Variants in PTPRG observed in about 807,000 individuals in gnomAD.
PTPRG encodes receptor-type tyrosine-protein phosphatase gamma.
Under a neutral mutation model 165.3 loss-of-function variants are expected in PTPRG, and 102 were observed. The ratio of observed to expected loss-of-function variants is 0.62; its 90% CI spans 0.53 to 0.73. The LOEUF is 0.73. Among genes scored for constraint, PTPRG ranks in the 30% least tolerant of loss-of-function variants. The probability of loss-of-function intolerance (pLI) is 0.00; values close to 1 mark genes in which losing one functional copy is unlikely to be tolerated. For missense variants in PTPRG, 1,866 were observed against 1,861.4 expected, an observed-to-expected ratio of 1.00 and a Z score of -0.05; for synonymous variants, 675 against 669.5, an observed-to-expected ratio of 1.01 and a Z score of -0.13.
At chr3:62,274,362 C>T (rs1400271207) in intron 23 of PTPRG, among the ~76,000 whole-genome samples, 4 of 151,876 alleles carry the variant, frequency 2.6e-5, no homozygotes, top group South Asian at 2.1e-4. Flanking sequence ...AGCTTAAAAG[C>T]GGTTAAGGTT....
chr3:62,264,801 T>C (rs1701812133), intron 17 of PTPRG, among the ~76,000 whole-genome samples: 2 of 152,186 alleles, frequency 1.3e-5, no homozygotes, highest in Admixed American at 1.3e-4. Context: ...CTCTTTGGTG[T>C]ATACGTAGGA....
intron 4 of PTPRG, among the ~76,000 whole-genome samples, chr3:62,014,912 A>C (rs1559747057): frequency 6.6e-6 from 1 of 152,216 alleles, no homozygotes; most frequent in East Asian, 1.9e-4. Flanking sequence ...GAAATGCTGC[A>C]TGACATGTCT....
intron 1 of PTPRG, among the ~76,000 whole-genome samples, chr3:61,586,408 T>C (rs1015701412): frequency 6.6e-6 from 1 of 152,230 alleles, no homozygotes; most frequent in Non-Finnish European, 1.5e-5. Context: ...GAAGATGATA[T>C]GGCAACCAGT....
At chr3:61,574,125 A>C (rs1270083443) in intron 1 of PTPRG, among the ~76,000 whole-genome samples, 2 of 152,000 alleles carry the variant, frequency 1.3e-5, no homozygotes, top group Non-Finnish European at 2.9e-5. Flanking sequence ...TAGGTGATTC[A>C]GGAGAAGGTA....
At chr3:62,080,496 C>T (rs979713482) in intron 5 of PTPRG, among the ~76,000 whole-genome samples, 1 of 152,138 alleles carries the variant, frequency 6.6e-6, no homozygotes, top group African/African-American at 2.4e-5. Context: ...GTTCCCTTAG[C>T]ATGCTGCTTT....
chr3:61,621,051 A>ATATATGTGTGTGTGTGTGTG, intron 1 of PTPRG, among the ~76,000 whole-genome samples: 10 of 117,944 alleles, frequency 8.5e-5, no homozygotes, highest in Non-Finnish European at 9.0e-5. Context: ...ATATATATAT[A>ATATATGTGTGTGTGTGTGTG]TGTGTGTGTG....
At chr3:61,847,307 A>AC (rs890970685) in intron 2 of PTPRG, among the ~76,000 whole-genome samples, 4 of 151,962 alleles carry the variant, frequency 2.6e-5, no homozygotes, top group Non-Finnish European at 5.9e-5. Flanking sequence ...TGGCCAAGGA[A>AC]CCCCCCGAAG....
intron 13 of PTPRG, 63 bp from the exon 14 acceptor site, chr3:62,231,162 C>A: frequency 7.8e-7 from 1 of 1,289,870 alleles, no homozygotes; most frequent in Non-Finnish European, 1.0e-6. Context: ...GTATGCAACT[C>A]TTGGTGGCCA....
intron 5 of PTPRG, among the ~76,000 whole-genome samples, chr3:62,101,630 C>T (rs1400410558): frequency 6.6e-6 from 1 of 152,204 alleles, no homozygotes; most frequent in Non-Finnish European, 1.5e-5. Flanking sequence ...TAACTAGGAG[C>T]ACTTTTCTTT....
intron 2 of PTPRG, among the ~76,000 whole-genome samples, chr3:61,894,656 A>C (rs1288559900): frequency 6.6e-6 from 1 of 152,174 alleles, no homozygotes; most frequent in Non-Finnish European, 1.5e-5. Flanking sequence ...TTAGATATTA[A>C]GTGTCAAAAC....
chr3:62,224,563 G>A lies in PTPRG; in HGVS notation c.2288+5580G>A, dbSNP rs78091191. Among the ~76,000 whole-genome samples the A allele has an allele frequency of 2.0e-5, 3 of 152,316 alleles. No homozygotes were observed. The highest frequency in any genetic ancestry group is 1.9e-4 in the East Asian group (1 of 5,180). On this transcript the variant is annotated intron_variant, in intron 13 of 29. Transcript: ENST00000474889. The surrounding 1 kb of genome is among the most constrained non-coding windows in gnomAD (Gnocchi z 4.9). The stretch of plus-strand genomic sequence containing the variant: ...TGGGTATTTGTTAAGCACTGCCACA[G>A]TATTCTTAAATATTTAAACCCATTG...
chr3:61,656,336 T>C (rs1480767869), intron 1 of PTPRG, among the ~76,000 whole-genome samples: 2 of 152,238 alleles, frequency 1.3e-5, no homozygotes, highest in Non-Finnish European at 2.9e-5. Context: ...AGAAGTGGTC[T>C]CTGTCTCAGG....
chr3:61,959,658 G>T (rs934136810), intron 2 of PTPRG, among the ~76,000 whole-genome samples: 5 of 152,174 alleles, frequency 3.3e-5, no homozygotes, highest in Non-Finnish European at 5.9e-5. Context: ...CCGCTCAAAG[G>T]TGCTGGAGAA....
chr3:62,205,107 T>A (rs1700196856), intron 12 of PTPRG, among the ~76,000 whole-genome samples: 1 of 152,066 alleles, frequency 6.6e-6, no homozygotes, highest in Non-Finnish European at 1.5e-5. Context: ...CAACTTAGAA[T>A]AAATTTTCAT....
chr3:61,648,415 C>A (rs544026632), intron 1 of PTPRG, among the ~76,000 whole-genome samples: 1 of 152,348 alleles, frequency 6.6e-6, no homozygotes, highest in Non-Finnish European at 1.5e-5. Context: ...AGGTGGAAGA[C>A]ACCTAGCTTG....
intron 2 of PTPRG, among the ~76,000 whole-genome samples, chr3:61,839,698 G>T (rs2036566997): frequency 6.6e-6 from 1 of 152,142 alleles, no homozygotes; most frequent in Non-Finnish European, 1.5e-5. Context: ...TCCATATAGA[G>T]AATTTGGAAA....
intron 2 of PTPRG, among the ~76,000 whole-genome samples, chr3:61,980,680 T>A (rs941774967): frequency 6.6e-6 from 1 of 152,234 alleles, no homozygotes; most frequent in African/African-American, 2.4e-5. Flanking sequence ...GCACAAAGCC[T>A]ACTCAGATGG....
At chr3:61,633,112 T>C (rs1348230140) in intron 1 of PTPRG, among the ~76,000 whole-genome samples, 3 of 152,212 alleles carry the variant, frequency 2.0e-5, no homozygotes, top group African/African-American at 7.2e-5. Flanking sequence ...GCACATCCCA[T>C]CCTCCCATGA....
rs141999578 is a variant in PTPRG at position 62,120,824 on chromosome 3, T to A, written c.616-11778T>A. 2.2e-3 allele frequency among the ~76,000 whole-genome samples: 337 copies of A among 152,250 alleles called. 2 individuals are homozygous for A. Among genetic ancestry groups the A allele is most frequent in the African/African-American group, 7.6e-3 (315 of 41,544 alleles). On this transcript the variant is annotated intron_variant, in intron 5 of 29. Coordinates refer to ENST00000474889, the MANE Select transcript of PTPRG (RefSeq NM_002841.4). ...ACGATTGTGATTGACTGAATTTAGT[T>A]CAGGACTCAAAAATGATTGACCTGT...
Sources: allele counts gnomAD v4.1 joint callset (sites outside exome capture counted in the v4.1 genomes callset), GRCh38; gene constraint gnomAD v4.1.1; non-coding constraint Gnocchi (gnomAD v3.1); transcripts MANE v1.5; gene names NCBI Gene and HGNC (gene_info 2026-07-23, HGNC 2026-07-21).